Variants in NR6A1 observed in about 807,000 individuals in gnomAD.
NR6A1 encodes the protein retinoic acid receptor-related testis-associated receptor.
NR6A1 carries 7 observed loss-of-function variants against 59.1 expected under a neutral mutation model. The observed-to-expected ratio is 0.12, with a 90% CI of 0.07 to 0.22. The LOEUF (loss-of-function observed/expected upper bound fraction) is 0.22. Among genes scored for constraint, NR6A1 ranks in the 10% least tolerant of loss-of-function variants. NR6A1 has a pLI of 1.00. For missense variants in NR6A1, 468 were observed against 611.6 expected (o/e 0.77, Z 2.48); for synonymous variants, 243 against 236.1 (o/e 1.03, Z -0.27).
chr9:124,702,660 A>G (rs1838996951), intron 2 of NR6A1, among the ~76,000 whole-genome samples: 1 of 152,026 alleles, frequency 6.6e-6, no homozygotes, highest in African/African-American at 2.4e-5. Flanking sequence ...CTGGTTGTTT[A>G]CAGAGCCTGG....
intron 2 of NR6A1, among the ~76,000 whole-genome samples, chr9:124,610,892 T>C (rs1177127574): frequency 6.6e-6 from 1 of 152,252 alleles, no homozygotes; most frequent in South Asian, 2.1e-4. Context: ...CATAGAGGTG[T>C]TTATAATTGT....
At chr9:124,680,195 T>C (rs1245856459) in intron 2 of NR6A1, among the ~76,000 whole-genome samples, 2 of 152,006 alleles carry the variant, frequency 1.3e-5, no homozygotes, top group Non-Finnish European at 1.5e-5. Flanking sequence ...TTCTTACAAA[T>C]AGCTACTAAA....
chr9:124,538,125 T>G lies in NR6A1; in HGVS notation c.791A>C (p.Glu264Ala). 1 of 1,613,582 alleles carries G rather than the reference T, an allele frequency of 6.2e-7. No homozygotes were observed. The highest frequency in any genetic ancestry group is 2.2e-5 in the East Asian group (1 of 44,882). Residue 264 changes from glutamate to alanine, a missense_variant, in exon 6 of 10, where the codon GAA becomes GCA. Physicochemically the swap from Glu to Ala is moderately radical, Grantham distance 107. Around this residue, in one of 4 missense-constraint regions of NR6A1, gnomAD observed 151 missense variants for 142.8 expected, o/e 1.06. Transcript: ENST00000487099. ...AATCAACATGGGCGTGCCCAATGGTTCCAGGTCCTCGGCTGATAACAGCTG... is the reference window on the plus strand; with the variant it reads ...AATCAACATGGGCGTGCCCAATGGTGCCAGGTCCTCGGCTGATAACAGCTG... ...IHQLLSAEDLEPLGTPMLIED... is the reference protein window; with the variant it reads ...IHQLLSAEDLAPLGTPMLIED...
At chr9:124,609,673 G>A (rs896963185) in intron 2 of NR6A1, among the ~76,000 whole-genome samples, 1 of 152,172 alleles carries the variant, frequency 6.6e-6, no homozygotes, top group Non-Finnish European at 1.5e-5. Flanking sequence ...AATGGGAATA[G>A]CATTGCATCT....
In NR6A1 at chr9:124,647,547, G is replaced by A. The variant is rs530855795; in HGVS notation, c.142+85761C>T. Reference sequence around the variant, plus strand: ...GTTCGAGACCAGCCTGGCCAACATGGTGAAACCCCATCTGTACTAAAAATA... The same window carrying A: ...GTTCGAGACCAGCCTGGCCAACATGATGAAACCCCATCTGTACTAAAAATA... On this transcript the variant is annotated intron_variant, in intron 2 of 9. Transcript: ENST00000487099. Among the ~76,000 whole-genome samples the A allele has an allele frequency of 2.0e-5, 3 of 152,048 alleles. No homozygotes were observed. In the East Asian group the frequency reaches 5.8e-4, roughly 29 times the overall value.
intron 2 of NR6A1, among the ~76,000 whole-genome samples, chr9:124,696,208 G>A (rs1041133685): frequency 6.6e-6 from 1 of 152,158 alleles, no homozygotes; most frequent in Non-Finnish European, 1.5e-5. Context: ...GCTAAACTCA[G>A]CAAGGAGACA....
At chr9:124,673,783 A>C (rs1054049578) in intron 2 of NR6A1, among the ~76,000 whole-genome samples, 1 of 152,186 alleles carries the variant, frequency 6.6e-6, no homozygotes, top group African/African-American at 2.4e-5. Context: ...ACACCTATCA[A>C]ATTTCTCTAT....
intron 2 of NR6A1, among the ~76,000 whole-genome samples, chr9:124,648,717 A>G (rs1443980557): frequency 6.6e-6 from 1 of 152,158 alleles, no homozygotes; most frequent in Non-Finnish European, 1.5e-5. Flanking sequence ...TAAAAAAAAA[A>G]AAGGCATTAG....
At chr9:124,608,700 G>A (rs1009523193) in intron 2 of NR6A1, among the ~76,000 whole-genome samples, 4 of 152,050 alleles carry the variant, frequency 2.6e-5, no homozygotes, top group Non-Finnish European at 5.9e-5. Context: ...CTGGTTCTAG[G>A]TCTTTGAGGA....
intron 2 of NR6A1, among the ~76,000 whole-genome samples, chr9:124,640,267 A>G (rs775108137): frequency 2.4e-4 from 36 of 152,234 alleles, no homozygotes; most frequent in Admixed American, 3.9e-4. Flanking sequence ...CCTATTACTC[A>G]GGAAAGATAA....
At chr9:124,711,194 A>AAAG (rs1839270219) in intron 2 of NR6A1, among the ~76,000 whole-genome samples, 1 of 147,034 alleles carries the variant, frequency 6.8e-6, no homozygotes, top group Admixed American at 6.7e-5. Flanking sequence ...GTTTAAAAAA[A>AAAG]AAAAAAAAAA....
chr9:124,724,460 CTAA>C (rs1205514324), intron 2 of NR6A1, among the ~76,000 whole-genome samples: 1 of 150,244 alleles, frequency 6.7e-6, no homozygotes, highest in African/African-American at 2.4e-5. Flanking sequence ...TAAAAAGCTT[CTAA>C]TATGTCTAAC....
intron 2 of NR6A1, among the ~76,000 whole-genome samples, chr9:124,616,667 T>C (rs547316129): frequency 2.6e-5 from 4 of 152,028 alleles, no homozygotes; most frequent in East Asian, 1.9e-4. Context: ...TAAAAATCAG[T>C]AGGAAAAAGA....
chr9:124,742,132 G>A (rs1204925483), intron 1 of NR6A1, among the ~76,000 whole-genome samples: 1 of 152,162 alleles, frequency 6.6e-6, no homozygotes, highest in Non-Finnish European at 1.5e-5. Flanking sequence ...AGAGTTTTTG[G>A]TTTTTATCCT....
At position 124,608,932 on chromosome 9, in the gene NR6A1, T is replaced by C. The variant is rs182282461; in HGVS notation, c.143-54362A>G. 4.6e-5 allele frequency among the ~76,000 whole-genome samples: 7 copies of C among 152,376 alleles called. No individual in the cohort carries two copies. The East Asian group carries it at 1.3e-3, about 29-fold the overall frequency. ...TTTTCTCCTATGTTTGTTGGCTACA[T>C]AAATGTCTTATTTTGAGAAGTGTCT... On this transcript the variant is annotated intron_variant, in intron 2 of 9. Transcript: ENST00000487099.
intron 2 of NR6A1, among the ~76,000 whole-genome samples, chr9:124,666,770 T>C (rs1837633630): frequency 6.6e-6 from 1 of 152,076 alleles, no homozygotes; most frequent in South Asian, 2.1e-4. Context: ...CACACAGCAA[T>C]AAACAAGACA....
At chr9:124,544,750 T>G (rs1306772043) in intron 3 of NR6A1, among the ~76,000 whole-genome samples, 5 of 152,094 alleles carry the variant, frequency 3.3e-5, no homozygotes, top group Admixed American at 2.0e-4. Context: ...TAGCATGAGA[T>G]AAGGGTGGAA....
intron 9 of NR6A1, among the ~76,000 whole-genome samples, chr9:124,524,194 T>C (rs966893613): frequency 2.6e-5 from 4 of 152,168 alleles, no homozygotes; most frequent in Admixed American, 1.3e-4. Flanking sequence ...TAGCCTCAAC[T>C]GATCCTCTCG....
At chr9:124,665,828 T>A (rs1837595208) in intron 2 of NR6A1, among the ~76,000 whole-genome samples, 1 of 152,212 alleles carries the variant, frequency 6.6e-6, no homozygotes, top group South Asian at 2.1e-4. Context: ...TCTGTGGCAA[T>A]TAATCTTACG....
Sources: gnomAD v4.1 joint callset for allele counts (sites outside exome capture counted in the v4.1 genomes callset) on GRCh38, gnomAD v4.1.1 for gene constraint, gnomAD v4.1.1 regional missense constraint, MANE v1.5 for transcripts, NCBI Gene and HGNC (gene_info 2026-07-23, HGNC 2026-07-21) for gene names.